Variants in FRMPD4 observed in about 807,000 individuals in gnomAD.
FRMPD4 encodes FERM and PDZ domain-containing protein 4.
FRMPD4 carries 22 observed loss-of-function variants against 94.1 expected under a neutral mutation model. The observed-to-expected ratio is 0.23, with a 90% confidence interval of 0.17 to 0.33. The LOEUF (loss-of-function observed/expected upper bound fraction) is 0.33, where lower values mean the gene tolerates loss of function less well. Among genes scored for constraint, FRMPD4 ranks in the 10% least tolerant of loss-of-function variants. FRMPD4 has a pLI of 1.00. For synonymous variants in FRMPD4, 631 were observed against 548.6 expected (o/e 1.15, Z -2.10); for missense variants, 1,111 against 1,339.9 (o/e 0.83, Z 2.67).
chrX:12,211,332 A>G (rs1241552395), intron 1 of FRMPD4, among the ~76,000 whole-genome samples: 2 of 112,169 alleles, frequency 1.8e-5, no homozygotes, highest in Non-Finnish European at 3.8e-5. Context: ...TTTAGTTGCC[A>G]AATTCTCTCC....
At chrX:12,225,243 G>A (rs1033021717) in intron 1 of FRMPD4, among the ~76,000 whole-genome samples, 1 of 112,092 alleles carries the variant, frequency 8.9e-6, no homozygotes, top group East Asian at 2.8e-4. Flanking sequence ...AACATTTGAT[G>A]GAAGGAATAA....
chrX:11,957,094 A>G (rs991425075), intron 3 of FRMPD4, among the ~76,000 whole-genome samples: 3 of 112,454 alleles, frequency 2.7e-5, no homozygotes. Flanking sequence ...GGTTGGTGTC[A>G]TCCACCTTGA....
intron 9 of FRMPD4, among the ~76,000 whole-genome samples, chrX:12,695,089 T>C (rs1199031517): frequency 8.9e-6 from 1 of 112,044 alleles, no homozygotes; most frequent in Admixed American, 9.5e-5. Context: ...TCAGCCCTTT[T>C]TTGCCTTTCA....
chrX:12,412,695 C>G (rs886237016), intron 1 of FRMPD4, among the ~76,000 whole-genome samples: 2 of 112,069 alleles, frequency 1.8e-5, no homozygotes, highest in Admixed American at 9.5e-5. Flanking sequence ...AGAGTAAAGA[C>G]TCAGTGGTTC....
In FRMPD4 at chrX:12,713,481, GGA is replaced by G. The variant is rs9331478; in HGVS notation, c.1610-2565_1610-2564del. 6.5e-3 allele frequency among the ~76,000 whole-genome samples: 685 copies of G among 104,791 alleles called. 2 individuals carry two copies. Among genetic ancestry groups the G allele is most frequent in the African/African-American group, 0.019 (532 of 28,737 alleles). The allele number at this position is 104,791 out of a possible 115,157, so 91.0% of individuals were successfully genotyped here. The stretch of plus-strand genomic sequence containing the variant: ...CAAAGATACAGGGCGGGAGGTAGGT[GGA>G]GAGAGAGAGAGAGAGAGAGAGACAG... On this transcript the variant is annotated intron_variant, in intron 14 of 16. Transcript: ENST00000675598.
intron 1 of FRMPD4, among the ~76,000 whole-genome samples, chrX:12,342,522 A>C (rs1248579588): frequency 8.9e-6 from 1 of 111,974 alleles, no homozygotes; most frequent in African/African-American, 3.2e-5. Flanking sequence ...GGTGTGGTCT[A>C]TTCTAGCTGA....
chrX:12,456,121 A>AGAT lies in FRMPD4; in HGVS notation c.42-42558_42-42556dup, dbSNP rs1349818396. ...TTTCCTCATTTTCAAATGGACATAA[A>AGAT]GATAACAGACCTACATTATAGAGCT... On this transcript the variant is annotated intron_variant, in intron 1 of 16. Transcript: ENST00000675598. Among the ~76,000 whole-genome samples the AGAT allele has an allele frequency of 8.0e-5, 9 of 112,273 alleles. No homozygotes were observed. In the East Asian group the frequency reaches 2.5e-3, roughly 31 times the overall value.
At chrX:12,626,622 A>G (rs1459094767) in intron 4 of FRMPD4, among the ~76,000 whole-genome samples, 1 of 97,421 alleles carries the variant, frequency 1.0e-5, no homozygotes, top group Non-Finnish European at 2.0e-5. Context: ...CTTATCTTGT[A>G]TGCCCCATAG....
chrX:12,227,616 C>T (rs1337008432), intron 1 of FRMPD4, among the ~76,000 whole-genome samples: 1 of 111,164 alleles, frequency 9.0e-6, no homozygotes, highest in Non-Finnish European at 1.9e-5. Flanking sequence ...GCCTGGGCAA[C>T]ATAGTGAGAC....
chrX:12,597,797 C>T (rs2059045559), intron 2 of FRMPD4, among the ~76,000 whole-genome samples: 1 of 111,818 alleles, frequency 8.9e-6, no homozygotes, highest in African/African-American at 3.3e-5. Context: ...ATAAATTTTA[C>T]TATAGGTCTG....
intron 1 of FRMPD4, among the ~76,000 whole-genome samples, chrX:12,378,945 CATCTT>C (rs1206819058): frequency 8.9e-6 from 1 of 111,758 alleles, no homozygotes; most frequent in Non-Finnish European, 1.9e-5. Flanking sequence ...GGTGAAATCT[CATCTT>C]AAGAATGCAT....
intron 2 of FRMPD4, chrX:12,583,279 A>T: frequency 1.0e-5 from 4 of 383,514 alleles, no homozygotes; most frequent in Non-Finnish European, 1.8e-5. Context: ...AATCATGAAT[A>T]CATTTATCAA....
At chrX:12,181,599 G>T (rs1359885931) in intron 1 of FRMPD4, among the ~76,000 whole-genome samples, 3 of 112,181 alleles carry the variant, frequency 2.7e-5, no homozygotes, top group Non-Finnish European at 5.6e-5. Context: ...TCTAATTTTA[G>T]GCATGGCTGG....
intron 1 of FRMPD4, among the ~76,000 whole-genome samples, chrX:12,144,603 T>G (rs762617338): frequency 6.3e-5 from 7 of 110,939 alleles, no homozygotes; most frequent in South Asian, 7.5e-4. Context: ...TAACATTTGT[T>G]GCAAACAAAT....
chrX:12,719,994 A>AGAAAGGAAAGGAAAGGAAAG (rs771686552), intron 16 of FRMPD4, among the ~76,000 whole-genome samples: 5 of 81,952 alleles, frequency 6.1e-5, no homozygotes, highest in African/African-American at 2.6e-4. Context: ...AAGAAAGGAA[A>AGAAAGGAAAGGAAAGGAAAG]GAAAGGAAAG....
chrX:12,537,978 G>A (rs1382538496), intron 2 of FRMPD4, among the ~76,000 whole-genome samples: 4 of 110,784 alleles, frequency 3.6e-5, no homozygotes, highest in African/African-American at 1.3e-4. Context: ...CTGAGGTACC[G>A]GGTTCATCTC....
intron 2 of FRMPD4, among the ~76,000 whole-genome samples, chrX:12,501,100 C>A (rs938580016): frequency 4.5e-5 from 5 of 112,291 alleles, no homozygotes; most frequent in African/African-American, 1.6e-4. Context: ...TCAGCTAGCT[C>A]TGCCTTCATG....
intron 1 of FRMPD4, among the ~76,000 whole-genome samples, chrX:12,277,405 A>G (rs4607805): frequency 8.9e-6 from 1 of 112,127 alleles, no homozygotes; most frequent in Non-Finnish European, 1.9e-5. Context: ...TCTATACTGA[A>G]CTGGACAAAG....
intron 5 of FRMPD4, among the ~76,000 whole-genome samples, chrX:12,683,192 A>T (rs763333768): frequency 2.7e-4 from 30 of 112,172 alleles, no homozygotes; most frequent in African/African-American, 9.7e-4. Flanking sequence ...TTAAAAGCAG[A>T]GTTTGTGTGC....
Sources: allele counts gnomAD v4.1 joint callset (sites outside exome capture counted in the v4.1 genomes callset), GRCh38; gene constraint gnomAD v4.1.1; transcripts MANE v1.5; gene names NCBI Gene and HGNC (gene_info 2026-07-23, HGNC 2026-07-21).